The following TBXAS1 variants were observed in gnomAD, a reference collection of about 807,000 sequenced individuals.
The protein encoded by TBXAS1 is thromboxane-A synthase.
A neutral mutation model predicts 60.7 loss-of-function variants in TBXAS1; 48 were observed. The ratio of observed to expected loss-of-function variants is 0.79; its 90% CI spans 0.63 to 1.01. The LOEUF (loss-of-function observed/expected upper bound fraction) is 1.01. Ranked by LOEUF, TBXAS1 falls within the 50% of genes least tolerant of loss-of-function variation. TBXAS1 has a pLI of 0.00. For missense variants in TBXAS1, 685 were observed against 686.3 expected (o/e 1.00, Z 0.02); for synonymous variants, 287 against 269.7 (o/e 1.06, Z -0.63).
intron 9 of TBXAS1, among the ~76,000 whole-genome samples, chr7:139,968,250 C>T (rs1006854234): frequency 3.2e-4 from 48 of 152,114 alleles, no homozygotes; most frequent in African/African-American, 1.2e-3. Context: ...ATTTTGGTTC[C>T]AGCTTCTAAA....
chr7:139,810,012 T>A (rs1569493210), intron 4 of TBXAS1, among the ~76,000 whole-genome samples: 2 of 152,272 alleles, frequency 1.3e-5, no homozygotes, highest in East Asian at 3.9e-4. Flanking sequence ...AAGCCCAGGC[T>A]TGGTCATTTT....
At chr7:139,809,243 A>ATAGG (rs1479736548) in intron 4 of TBXAS1, among the ~76,000 whole-genome samples, 5 of 58,662 alleles carry the variant, frequency 8.5e-5, no homozygotes, top group Admixed American at 7.2e-4. Flanking sequence ...TGATAGATAG[A>ATAGG]TAGATAGATA....
intron 3 of TBXAS1, among the ~76,000 whole-genome samples, chr7:139,893,325 G>GACACAC (rs71170920): frequency 0.17 from 23,648 of 139,762 alleles, 2,299 homozygotes; most frequent in Middle Eastern, 0.3. Context: ...CTATGGAATA[G>GACACAC]ACACACACAC....
At chr7:139,958,947 TAAAG>T (rs1268386197) in intron 8 of TBXAS1, among the ~76,000 whole-genome samples, 2 of 151,810 alleles carry the variant, frequency 1.3e-5, no homozygotes, top group Admixed American at 1.3e-4. Context: ...GGAGAAGGGA[TAAAG>T]AAAGAACCAT....
At chr7:139,898,881 G>A (rs1804336513) in intron 3 of TBXAS1, among the ~76,000 whole-genome samples, 1 of 151,900 alleles carries the variant, frequency 6.6e-6, no homozygotes, top group South Asian at 2.1e-4. Flanking sequence ...TGATACAGCT[G>A]TTAAATTACA....
chr7:139,978,546 T>G (rs952077450), intron 9 of TBXAS1, among the ~76,000 whole-genome samples: 13 of 151,756 alleles, frequency 8.6e-5, no homozygotes, highest in Admixed American at 3.9e-4. Context: ...TAAAGAAGAA[T>G]AATAAGAATT....
intron 9 of TBXAS1, among the ~76,000 whole-genome samples, chr7:139,965,395 G>A (rs894131786): frequency 5.9e-5 from 9 of 152,132 alleles, no homozygotes; most frequent in Admixed American, 1.3e-4. Context: ...CAGGGGTTCC[G>A]ATTCCATAAG....
chr7:140,019,252 A>G (rs1283914330), intron 12 of TBXAS1, among the ~76,000 whole-genome samples: 1 of 152,220 alleles, frequency 6.6e-6, no homozygotes, highest in African/African-American at 2.4e-5. Context: ...GGCTGGAGAC[A>G]GGGAGGGGCA....
chr7:139,784,019 T>TG (rs568277982), intron 3 of TBXAS1, among the ~76,000 whole-genome samples: 10 of 151,252 alleles, frequency 6.6e-5, no homozygotes, highest in South Asian at 2.1e-4. Flanking sequence ...TTGTTTTTTT[T>TG]TTTTTTGTAT....
At chr7:139,941,840 A>G (rs144475599) in intron 5 of TBXAS1, among the ~76,000 whole-genome samples, 89 of 152,360 alleles carry the variant, frequency 5.8e-4, no homozygotes, top group African/African-American at 2.1e-3. Context: ...TTCAGGAAAT[A>G]AAACTGGGGC....
chr7:139,972,022 G>A (rs533598319), intron 9 of TBXAS1, among the ~76,000 whole-genome samples: 1 of 152,280 alleles, frequency 6.6e-6, no homozygotes, highest in Non-Finnish European at 1.5e-5. Flanking sequence ...CCTGCAATGG[G>A]GGTGGCACAG....
chr7:139,905,866 G>C (rs1376011596), intron 3 of TBXAS1, among the ~76,000 whole-genome samples: 1 of 152,024 alleles, frequency 6.6e-6, no homozygotes, highest in Non-Finnish European at 1.5e-5. Flanking sequence ...TCAACTTTTT[G>C]ATTTTTGTCC....
At chr7:139,912,358 C>T (rs1584834468) in intron 4 of TBXAS1, among the ~76,000 whole-genome samples, 1 of 152,130 alleles carries the variant, frequency 6.6e-6, no homozygotes, top group African/African-American at 2.4e-5. Flanking sequence ...GACCAGTAAC[C>T]TTTACGTTGA....
intron 3 of TBXAS1, among the ~76,000 whole-genome samples, chr7:139,882,212 G>C (rs1394761511): frequency 6.6e-6 from 1 of 152,188 alleles, no homozygotes; most frequent in Non-Finnish European, 1.5e-5. Context: ...AGAACAACGG[G>C]AATTGAAGGG....
At chr7:139,800,723 T>C (rs1259130700) in intron 4 of TBXAS1, among the ~76,000 whole-genome samples, 1 of 152,208 alleles carries the variant, frequency 6.6e-6, no homozygotes, top group African/African-American at 2.4e-5. Context: ...TGTTTCTTGA[T>C]GATTTCAGAC....
At chr7:139,910,636 C>T (rs1310701482) in intron 3 of TBXAS1, among the ~76,000 whole-genome samples, 3 of 152,106 alleles carry the variant, frequency 2.0e-5, no homozygotes, top group Non-Finnish European at 4.4e-5. Context: ...GACTCCATCA[C>T]AAAAATAAAA....
At chr7:139,833,304 T>G (rs1798829528) in intron 1 of TBXAS1, among the ~76,000 whole-genome samples, 1 of 152,136 alleles carries the variant, frequency 6.6e-6, no homozygotes, top group Admixed American at 6.5e-5. Flanking sequence ...AGGCATTTCA[T>G]GCAAATGGAC....
upstream of TBXAS1, among the ~76,000 whole-genome samples, chr7:139,826,054 C>A (rs1318651046): frequency 1.3e-5 from 2 of 152,124 alleles, no homozygotes; most frequent in Non-Finnish European, 1.5e-5. Flanking sequence ...GTTATACATA[C>A]ACTGAGTTAA....
intron 10 of TBXAS1, among the ~76,000 whole-genome samples, chr7:140,008,849 A>T (rs1569524672): frequency 6.6e-6 from 1 of 152,238 alleles, no homozygotes; most frequent in Admixed American, 6.5e-5. Context: ...TCAGGGATCA[A>T]ATAGAACAAA....
Sources: gnomAD v4.1 joint callset for allele counts (sites outside exome capture counted in the v4.1 genomes callset) on GRCh38, gnomAD v4.1.1 for gene constraint, MANE v1.5 for transcripts, NCBI Gene and HGNC (gene_info 2026-07-23, HGNC 2026-07-21) for gene names.